Variants in HTT observed in about 807,000 individuals in gnomAD.
HTT encodes the protein huntingtin.
In HTT, 104 loss-of-function variants were observed where a neutral mutation model predicts 362.3. The ratio of observed to expected loss-of-function variants is 0.29; its 90% CI spans 0.24 to 0.34. The LOEUF is 0.34. Ranked by LOEUF, HTT falls within the 10% of genes least tolerant of loss-of-function variation. The pLI is 1.00. For synonymous variants in HTT, 1,577 were observed against 1,548.7 expected (o/e 1.02, Z -0.43); for missense variants, 3,301 against 3,928.6 (o/e 0.84, Z 4.27).
At chr4:3,079,891 G>C (rs1332161990) in intron 1 of HTT, among the ~76,000 whole-genome samples, 1 of 152,194 alleles carries the variant, frequency 6.6e-6, no homozygotes, top group Non-Finnish European at 1.5e-5. Context: ...TGACTGACTG[G>C]ATTTTGAATG....
chr4:3,106,886 A>G (rs941207136), intron 5 of HTT, among the ~76,000 whole-genome samples: 3 of 152,192 alleles, frequency 2.0e-5, no homozygotes, highest in East Asian at 1.9e-4. Context: ...TCTGTGTCCT[A>G]CACATTCGGC....
chr4:3,082,970 AG>A (rs1712996965), intron 1 of HTT, among the ~76,000 whole-genome samples: 1 of 152,082 alleles, frequency 6.6e-6, no homozygotes, highest in Non-Finnish European at 1.5e-5. Flanking sequence ...CACAAAGGAG[AG>A]CTGTGGTTAG....
rs1560535052 is a variant in HTT at position 3,074,927 on chromosome 4, G to GCAGCAGCAGCAGCAGCAA, written c.110_111insGCAGCAGCAACAGCAGCA (p.Gln33_Gln38dup). ...AGCAGCAGCAGCAGCAGCAGCAGCA[G>GCAGCAGCAGCAGCAGCAA]CAGCAGCAACAGCCGCCACCGCCGC... On this transcript the variant is annotated inframe_insertion, in exon 1 of 67. Transcript: ENST00000355072. 1.6e-6 allele frequency: 2 copies of GCAGCAGCAGCAGCAGCAA among 1,278,522 alleles called. No individual in the cohort carries two copies. The allele number at this position is 1,278,522 out of a possible 1,614,324, so 79.2% of individuals were successfully genotyped here.
intron 26 of HTT, among the ~76,000 whole-genome samples, 165 bp from the exon 27 acceptor site, chr4:3,154,128 G>A (rs955098047): frequency 5.9e-5 from 9 of 152,160 alleles, no homozygotes; most frequent in African/African-American, 1.9e-4. Flanking sequence ...AATAAAATGT[G>A]TACAGTGTCT....
At chr4:3,166,462 A>C (rs1195489649) in intron 29 of HTT, among the ~76,000 whole-genome samples, 1 of 152,186 alleles carries the variant, frequency 6.6e-6, no homozygotes, top group East Asian at 1.9e-4. Context: ...GCTGTCAGGC[A>C]CGTATGTTTA....
intron 18 of HTT, 36 bp downstream of exon 18, chr4:3,132,947 T>A (rs1205984094): frequency 7.1e-7 from 1 of 1,405,280 alleles, no homozygotes; most frequent in Non-Finnish European, 1.0e-6. Flanking sequence ...TTTCTTCACT[T>A]AGTGGACATT....
intron 33 of HTT, among the ~76,000 whole-genome samples, chr4:3,175,583 G>A (rs964881760): frequency 2.0e-5 from 3 of 152,116 alleles, no homozygotes; most frequent in Non-Finnish European, 4.4e-5. Context: ...ACTGAGACCC[G>A]TGCTCCTGGA....
intron 6 of HTT, among the ~76,000 whole-genome samples, chr4:3,109,207 C>G (rs1333319713): frequency 4.6e-5 from 7 of 151,786 alleles, no homozygotes; most frequent in Admixed American, 4.6e-4. Context: ...CCAATATTTA[C>G]TTTCATGTTT....
chr4:3,239,951 C>T lies in HTT; in HGVS notation c.9321C>T (p.Leu3107=), dbSNP rs762179809. 6.9e-6 allele frequency: 11 copies of T among 1,588,894 alleles called. No homozygotes were observed. Among genetic ancestry groups the T allele is most frequent in the African/African-American group, 5.4e-5 (4 of 74,682 alleles). The change falls in exon 67 of 67, where the codon CTC becomes CTT. Residue 3107 remains leucine (L), a synonymous_variant. Transcript: ENST00000355072. ...DFYRHQIEEE[L]DRRAFQSVLE... is the part of the protein sequence containing the mutation. ...ACAGACACCAGATAGAGGAGGAGCT[C>T]GACCGCAGGGCCTTCCAGTCTGTGC...
At chr4:3,165,209 G>T (rs10022620) in intron 29 of HTT, among the ~76,000 whole-genome samples, 3 of 152,194 alleles carry the variant, frequency 2.0e-5, no homozygotes, top group Non-Finnish European at 4.4e-5. Flanking sequence ...GAAATTCTGG[G>T]TTGAAAATAC....
In HTT at chr4:3,159,697, T is replaced by C. The variant is rs363143; in HGVS notation, c.3754-585T>C. Among the ~76,000 whole-genome samples the C allele has an allele frequency of 3.2e-4, 49 of 152,384 alleles. No homozygotes were observed. In the South Asian group the frequency reaches 8.9e-3, roughly 28 times the overall value. ...CTTTTCTGAGGCAGTGTTTTACCAA[T>C]ATTTATTTTCCTAGTCAGTCTCGCC... is the stretch of plus-strand genomic sequence containing the variant. On this transcript the variant is annotated intron_variant, in intron 28 of 66. Coordinates refer to ENST00000355072, the MANE Select transcript of HTT (RefSeq NM_001388492.1).
rs1715744920 is a variant in HTT at position 3,130,320 on chromosome 4, A to G, written c.1883A>G (p.His628Arg). 1 of 1,586,678 alleles carries G rather than the reference A, an allele frequency of 6.3e-7. No homozygotes were observed. Among genetic ancestry groups the G allele is most frequent in the Admixed American group, 1.8e-5 (1 of 55,858 alleles). The change falls in exon 14 of 67, where the codon CAT becomes CGT. Residue 628 changes from histidine to arginine, a missense_variant. By Grantham distance (29) the His-to-Arg change is conservative (BLOSUM62 0). Transcript: ENST00000355072. The stretch of plus-strand genomic sequence containing the variant: ...GTTTTTAAAGCCCTTCAACAGGCAC[A>G]TTTATTGAAAAACATGAGTCACTGC... ...RNSSMALQQA[H>R]LLKNMSHCRQ...
chr4:3,197,647 G>A (rs895534314), intron 40 of HTT, among the ~76,000 whole-genome samples: 5 of 152,070 alleles, frequency 3.3e-5, no homozygotes, highest in Admixed American at 6.5e-5. Flanking sequence ...ACAGCCCTGC[G>A]AACAGATACT....
chr4:3,132,481 T>C, intron 16 of HTT, 81 bp from the exon 17 acceptor site: 1 of 1,211,496 alleles, frequency 8.3e-7, no homozygotes, highest in Non-Finnish European at 1.2e-6. Flanking sequence ...TTTTTCTCTT[T>C]CCTGAGAATT....
chr4:3,172,254 T>G (rs768320175), intron 29 of HTT, 66 bp from the exon 30 acceptor site: 23 of 890,452 alleles, frequency 2.6e-5, no homozygotes, highest in Non-Finnish European at 4.0e-5. Flanking sequence ...CTTCAATTTC[T>G]GTCTAGGATT....
In HTT at chr4:3,146,823, A is replaced by T; in HGVS notation, c.3170A>T (p.Glu1057Val). The change falls in exon 25 of 67, where the codon GAG becomes GTG. Residue 1057 changes from glutamate to valine, a missense_variant. Around this residue, in one of 4 missense-constraint regions of HTT, gnomAD observed 2,316 missense variants for 2,658.5 expected, o/e 0.87. Coordinates refer to ENST00000355072, the MANE Select transcript of HTT (RefSeq NM_001388492.1). ...GTGCCTCCACTGAGTGCCTCAGATG[A>T]GTCTAGGAAGAGCTGTACCGTTGGG... ...CGVPPLSASDESRKSCTVGMA... is the reference protein window; with the variant it reads ...CGVPPLSASDVSRKSCTVGMA... The T allele has an allele frequency of 6.2e-7, 1 of 1,614,102 alleles. No individual in the cohort carries two copies. The highest frequency in any genetic ancestry group is 1.7e-5 in the Admixed American group (1 of 60,022).
intron 3 of HTT, among the ~76,000 whole-genome samples, chr4:3,103,544 A>G (rs531628190): frequency 7.9e-5 from 12 of 152,152 alleles, no homozygotes; most frequent in Non-Finnish European, 1.2e-4. Context: ...TTGTATTTGA[A>G]CCATCTACCA....
At chr4:3,225,568 G>A in intron 56 of HTT, 93 bp from the exon 57 acceptor site, 5 of 1,132,074 alleles carry the variant, frequency 4.4e-6, no homozygotes, top group Non-Finnish European at 6.4e-6. Flanking sequence ...TCACGGCTGG[G>A]TGCCTGTCTG....
At chr4:3,156,984 TA>T (rs956595646) in intron 27 of HTT, 87 bp from the exon 28 acceptor site, 1 of 1,122,268 alleles carries the variant, frequency 8.9e-7, no homozygotes, top group African/African-American at 1.6e-5. Flanking sequence ...TAGAATACTT[TA>T]AAAAATCATG....
Sources: allele counts gnomAD v4.1 joint callset (sites outside exome capture counted in the v4.1 genomes callset), GRCh38; gene constraint gnomAD v4.1.1; regional missense constraint gnomAD v4.1.1; transcripts MANE v1.5; gene names NCBI Gene and HGNC (gene_info 2026-07-23, HGNC 2026-07-21).